The following PACRG variants were observed in gnomAD, a reference collection of about 807,000 sequenced individuals.
The protein encoded by PACRG is parkin coregulated gene protein.
Under a neutral mutation model 29.7 loss-of-function variants are expected in PACRG, and 29 were observed. That is an observed-to-expected ratio of 0.98 (90% CI 0.73 to 1.33). The LOEUF (loss-of-function observed/expected upper bound fraction) is 1.33. PACRG is among the 40% of genes most tolerant of loss of function. PACRG has a pLI of 0.00. For synonymous variants in PACRG, 116 were observed against 118.7 expected, an observed-to-expected ratio of 0.98 and a Z score of 0.15; for missense variants, 279 against 316.2, an observed-to-expected ratio of 0.88 and a Z score of 0.89.
intron 2 of PACRG, among the ~76,000 whole-genome samples, chr6:162,973,008 T>G (rs184368135): frequency 5.8e-4 from 89 of 152,362 alleles, no homozygotes; most frequent in African/African-American, 2.1e-3. Flanking sequence ...GAATAAGAGA[T>G]AGGTTACAAG....
chr6:163,166,003 A>C (rs534432373), intron 4 of PACRG: 1 of 421,654 alleles, frequency 2.4e-6, no homozygotes, highest in East Asian at 7.2e-5. Context: ...CTTATTTGAA[A>C]TCTTCACTGG....
At chr6:163,297,805 A>G (rs73603731) in intron 4 of PACRG, among the ~76,000 whole-genome samples, 1 of 152,172 alleles carries the variant, frequency 6.6e-6, no homozygotes, top group Non-Finnish European at 1.5e-5. Context: ...GACCCCTCAC[A>G]GCCACCTGAT....
chr6:163,130,657 T>TA (rs955675283), intron 4 of PACRG, among the ~76,000 whole-genome samples: 1 of 152,224 alleles, frequency 6.6e-6, no homozygotes, highest in Admixed American at 6.5e-5. Flanking sequence ...CGTGCCCTTC[T>TA]AGCATCATCT....
At chr6:162,831,970 C>A (rs1213795087) in intron 2 of PACRG, among the ~76,000 whole-genome samples, 2 of 152,068 alleles carry the variant, frequency 1.3e-5, no homozygotes, top group African/African-American at 4.8e-5. Flanking sequence ...AGTGAATGTA[C>A]ACATGCATGT....
Position 163,202,525 on chromosome 6 carries a change from GC to G in PACRG, c.614-112300del, listed in dbSNP as rs928002456. ...ATTTTCCCATATTTCCCCACATTCT[GC>G]CAGCAGTAATAGAACAAGCTACATA... On this transcript the variant is annotated intron_variant, in intron 4 of 4. Coordinates refer to ENST00000366888, the MANE Select transcript of PACRG (RefSeq NM_001080379.2). Among the ~76,000 whole-genome samples the G allele has an allele frequency of 2.4e-4, 37 of 152,152 alleles. 2 individuals carry two copies. Among genetic ancestry groups the G allele is most frequent in the African/African-American group, 8.4e-4 (35 of 41,504 alleles).
At chr6:163,027,368 C>T (rs184914818) in intron 2 of PACRG, among the ~76,000 whole-genome samples, 2 of 152,240 alleles carry the variant, frequency 1.3e-5, no homozygotes, top group East Asian at 3.9e-4. Context: ...GAAAATTATG[C>T]TATATTTAAT....
intron 2 of PACRG, among the ~76,000 whole-genome samples, chr6:162,966,180 G>T (rs1269062086): frequency 3.3e-5 from 5 of 152,220 alleles, no homozygotes; most frequent in Non-Finnish European, 7.3e-5. Flanking sequence ...TAAAGATCTA[G>T]AAACAAGTAA....
At chr6:162,860,383 G>A (rs535762861) in intron 2 of PACRG, among the ~76,000 whole-genome samples, 5 of 152,242 alleles carry the variant, frequency 3.3e-5, no homozygotes, top group African/African-American at 9.6e-5. Context: ...ACAGAAAAAC[G>A]GGAGTTTTAG....
intron 4 of PACRG, among the ~76,000 whole-genome samples, chr6:163,259,786 TTGCCTTCTCCA>T (rs1373531521): frequency 6.6e-6 from 1 of 152,156 alleles, no homozygotes; most frequent in Non-Finnish European, 1.5e-5. Flanking sequence ...GCCCCTTTCC[TTGCCTTCTCCA>T]GGCTGGGTCT....
intron 2 of PACRG, among the ~76,000 whole-genome samples, chr6:162,973,379 C>A (rs9458700): frequency 1.3e-5 from 2 of 152,190 alleles, no homozygotes; most frequent in African/African-American, 4.8e-5. Context: ...CCATCTAATG[C>A]GAGGCCTGGC....
At chr6:162,919,204 A>G (rs904410897) in intron 2 of PACRG, among the ~76,000 whole-genome samples, 2 of 152,204 alleles carry the variant, frequency 1.3e-5, no homozygotes, top group African/African-American at 2.4e-5. Flanking sequence ...CATGGAGACA[A>G]AATAGTACTG....
At chr6:163,071,402 A>G (rs1011734273) in intron 3 of PACRG, among the ~76,000 whole-genome samples, 2 of 152,102 alleles carry the variant, frequency 1.3e-5, no homozygotes, top group South Asian at 2.1e-4. Flanking sequence ...TGGAAACTAT[A>G]CAAATGCATG....
At chr6:163,296,751 T>G (rs368499912) in intron 4 of PACRG, among the ~76,000 whole-genome samples, 1 of 152,254 alleles carries the variant, frequency 6.6e-6, no homozygotes, top group Non-Finnish European at 1.5e-5. Flanking sequence ...CTCATTTTAA[T>G]GTACTTTGCT....
intron 3 of PACRG, among the ~76,000 whole-genome samples, chr6:163,075,496 T>G (rs576094992): frequency 6.6e-6 from 1 of 152,168 alleles, no homozygotes; most frequent in African/African-American, 2.4e-5. Context: ...AAGGAAAATT[T>G]ATTAAACAAT....
In PACRG at chr6:163,013,262, G is replaced by GTTTATTTATTTATTTATTTA. The variant is rs145596005; in HGVS notation, c.292-48876_292-48857dup. ...AACCTGGATGGTAATTTGACTTAAA[G>GTTTATTTATTTATTTATTTA]TTTATTTATTTATTTATTTATTTAT... On this transcript the variant is annotated intron_variant, in intron 2 of 4. Transcript: ENST00000366888. Among the ~76,000 whole-genome samples, 298 of 150,184 alleles carry GTTTATTTATTTATTTATTTA rather than the reference G, an allele frequency of 2.0e-3. 1 individual carries two copies. Among genetic ancestry groups the GTTTATTTATTTATTTATTTA allele is most frequent in the East Asian group, 0.013 (66 of 5,056 alleles).
At chr6:163,268,725 A>G (rs1045491454) in intron 4 of PACRG, among the ~76,000 whole-genome samples, 2 of 151,844 alleles carry the variant, frequency 1.3e-5, no homozygotes, top group African/African-American at 2.4e-5. Flanking sequence ...TGTAATATTC[A>G]TTTGTGTTTT....
At chr6:163,250,438 C>T (rs1782859162) in intron 4 of PACRG, among the ~76,000 whole-genome samples, 1 of 152,214 alleles carries the variant, frequency 6.6e-6, no homozygotes, top group South Asian at 2.1e-4. Flanking sequence ...TAGGAGAAAG[C>T]ATTGCATTTT....
chr6:163,244,219 A>ATTT (rs151258124), intron 4 of PACRG, among the ~76,000 whole-genome samples: 3 of 151,896 alleles, frequency 2.0e-5, no homozygotes, highest in South Asian at 4.2e-4. Flanking sequence ...CATTTAAATC[A>ATTT]TTTTTTTTCC....
chr6:163,179,192 T>C, intron 4 of PACRG: 1 of 455,988 alleles, frequency 2.2e-6, no homozygotes, highest in Non-Finnish European at 4.4e-6. Context: ...CCGCTGCTCC[T>C]CACATGTGCG....
Sources: gnomAD v4.1 joint callset for allele counts (sites outside exome capture counted in the v4.1 genomes callset) on GRCh38, gnomAD v4.1.1 for gene constraint, MANE v1.5 for transcripts, NCBI Gene and HGNC (gene_info 2026-07-23, HGNC 2026-07-21) for gene names.